The following ZBTB44 variants were observed in gnomAD, a reference collection of about 807,000 sequenced individuals.
ZBTB44 encodes zinc finger and BTB domain-containing protein 44.
A neutral mutation model predicts 54.0 loss-of-function variants in ZBTB44; 15 were observed. That is an observed-to-expected ratio of 0.28 (90% CI 0.19 to 0.43). ZBTB44 has a LOEUF of 0.43. Among genes scored for constraint, ZBTB44 ranks in the 20% least tolerant of loss-of-function variants. ZBTB44 has a pLI of 1.00. For missense variants in ZBTB44, 487 were observed against 707.1 expected, an observed-to-expected ratio of 0.69 and a Z score of 3.53; for synonymous variants, 230 against 250.1, an observed-to-expected ratio of 0.92 and a Z score of 0.76.
intron 1 of ZBTB44, among the ~76,000 whole-genome samples, chr11:130,307,973 G>A (rs148430592): frequency 2.3e-4 from 35 of 152,202 alleles, no homozygotes; most frequent in African/African-American, 7.5e-4. Context: ...TGAGCCACCC[G>A]CCTCCGCCTC....
chr11:130,243,472 T>C (rs938735846), intron 2 of ZBTB44, among the ~76,000 whole-genome samples: 1 of 152,258 alleles, frequency 6.6e-6, no homozygotes, highest in African/African-American at 2.4e-5. Flanking sequence ...GTCTGTGTTG[T>C]AACAATTTGT....
intron 1 of ZBTB44, among the ~76,000 whole-genome samples, chr11:130,290,596 C>T (rs2134356121): frequency 6.6e-6 from 1 of 152,322 alleles, no homozygotes; most frequent in Non-Finnish European, 1.5e-5. Context: ...TTATATTAAT[C>T]TTTACTGTTA....
chr11:130,243,583 T>G (rs1436809887), intron 2 of ZBTB44, among the ~76,000 whole-genome samples: 1 of 152,196 alleles, frequency 6.6e-6, no homozygotes, highest in Non-Finnish European at 1.5e-5. Flanking sequence ...CCCCTGGAGT[T>G]TGGAGGACAG....
chr11:130,269,909 C>CAT (rs1939547542), intron 1 of ZBTB44, among the ~76,000 whole-genome samples: 1 of 152,120 alleles, frequency 6.6e-6, no homozygotes, highest in Non-Finnish European at 1.5e-5. Flanking sequence ...GCTATTTATT[C>CAT]ACACTAGAAA....
At position 130,238,569 on chromosome 11, in the gene ZBTB44, G is replaced by A; in HGVS notation, c.1142C>T (p.Ala381Val). Residue 381 changes from alanine (A) to valine (V), a missense_variant, in exon 4 of 8, where the codon GCT becomes GTT. Coordinates refer to ENST00000357899, the MANE Select transcript of ZBTB44 (RefSeq NM_001301098.2). ...NVQYPYQLYIAPSTSSTERPS... is the reference protein window; with the variant it reads ...NVQYPYQLYIVPSTSSTERPS... ...TCGCTCTGTACTGCTGGTGGAAGGA[G>A]CAATGTAGAGTTGGTAGGGATACTG... The A allele has an allele frequency of 1.2e-6, 2 of 1,613,116 alleles. No individual in the cohort carries two copies. The highest frequency in any genetic ancestry group is 1.7e-6 in the Non-Finnish European group (2 of 1,179,614).
intron 1 of ZBTB44, among the ~76,000 whole-genome samples, chr11:130,275,291 G>A (rs1439035593): frequency 1.3e-5 from 2 of 152,056 alleles, no homozygotes; most frequent in Non-Finnish European, 2.9e-5. Flanking sequence ...TACCGTGAGT[G>A]TTTGTAATGT....
At chr11:130,237,953 A>C (rs533524308) in intron 4 of ZBTB44, among the ~76,000 whole-genome samples, 4 of 152,264 alleles carry the variant, frequency 2.6e-5, no homozygotes, top group Non-Finnish European at 4.4e-5. Context: ...TGTTTAAAAA[A>C]ATACAAACTA....
chr11:130,307,838 G>A (rs1292012551), intron 1 of ZBTB44, among the ~76,000 whole-genome samples: 1 of 152,100 alleles, frequency 6.6e-6, no homozygotes, highest in Non-Finnish European at 1.5e-5. Flanking sequence ...CAATTCTCCT[G>A]TCTCAGCCTC....
intron 1 of ZBTB44, chr11:130,296,873 T>A (rs763010149): frequency 2.9e-5 from 21 of 733,426 alleles, no homozygotes; most frequent in Non-Finnish European, 4.5e-5. Flanking sequence ...CTCAAGTTGC[T>A]CTGCCATTTG....
rs1057322185 is a variant in ZBTB44, at chr11:130,292,835, C to T, written c.-57+21540G>A. On this transcript the variant is annotated intron_variant, in intron 1 of 7. Transcript: ENST00000357899. ...CGTGTACTCAAACTAGTGAAAATTACAACTCACCCACCCCACCAAAAGTTA... is the reference window on the plus strand; with the variant it reads ...CGTGTACTCAAACTAGTGAAAATTATAACTCACCCACCCCACCAAAAGTTA... 8.5e-5 allele frequency among the ~76,000 whole-genome samples: 13 copies of T among 152,142 alleles called. No homozygotes were observed. The South Asian group carries it at 1.2e-3, about 15-fold the overall frequency.
At chr11:130,233,994 C>G in intron 6 of ZBTB44, 162 bp downstream of exon 6, 1 of 1,432,330 alleles carries the variant, frequency 7.0e-7, no homozygotes, top group South Asian at 1.2e-5. Flanking sequence ...CACAAAACTA[C>G]TCAATAGTTA....
intron 1 of ZBTB44, among the ~76,000 whole-genome samples, chr11:130,293,937 A>G (rs1335902294): frequency 6.6e-6 from 1 of 152,242 alleles, no homozygotes; most frequent in Non-Finnish European, 1.5e-5. Context: ...TTATCAATAA[A>G]TCAATTAAAT....
intron 1 of ZBTB44, among the ~76,000 whole-genome samples, chr11:130,312,250 T>G (rs1057208175): frequency 1.3e-5 from 2 of 152,158 alleles, no homozygotes; most frequent in African/African-American, 2.4e-5. Flanking sequence ...AACTGGGTAT[T>G]TGCTTAGTGT....
At chr11:130,293,775 A>T (rs1941457709) in intron 1 of ZBTB44, among the ~76,000 whole-genome samples, 1 of 152,064 alleles carries the variant, frequency 6.6e-6, no homozygotes, top group South Asian at 2.1e-4. Flanking sequence ...CAGCCTGGGC[A>T]ACAAAAGCGA....
At chr11:130,247,332 G>A (rs60602938) in intron 2 of ZBTB44, among the ~76,000 whole-genome samples, 61 of 152,310 alleles carry the variant, frequency 4.0e-4, no homozygotes, top group African/African-American at 1.4e-3. Context: ...CTGGATGAGA[G>A]GGCAGATATA....
chr11:130,261,928 T>C lies in ZBTB44; in HGVS notation c.-55A>G. The C allele has an allele frequency of 6.7e-7, 1 of 1,486,854 alleles. No homozygotes were observed. Among genetic ancestry groups the C allele is most frequent in the Non-Finnish European group, 8.9e-7 (1 of 1,118,438 alleles). 92.1% of individuals were successfully genotyped at this position (1,486,854 alleles called of 1,614,324 possible). A position where few individuals can be genotyped will look rare whatever the true frequency, so the allele number is the denominator to read the frequency against. On this transcript the variant is annotated splice_region_variant and 5_prime_UTR_variant, in exon 2 of 8. Coordinates refer to ENST00000357899, the MANE Select transcript of ZBTB44 (RefSeq NM_001301098.2). This position sits in a 1 kb window ranked among gnomAD's most constrained non-coding sequence, Gnocchi z 4.8. ...CAAGGATGCAAATAAATCAGAAATG[T>C]CCTAAAAAATACATAAAATAAAGCA...
intron 1 of ZBTB44, among the ~76,000 whole-genome samples, chr11:130,266,191 AT>A (rs1290529650): frequency 6.6e-6 from 1 of 152,212 alleles, no homozygotes; most frequent in East Asian, 1.9e-4. Context: ...ATTAGGCTCA[AT>A]CTATTCTGCC....
At chr11:130,269,120 T>A (rs1939486574) in intron 1 of ZBTB44, among the ~76,000 whole-genome samples, 1 of 151,678 alleles carries the variant, frequency 6.6e-6, no homozygotes, top group Non-Finnish European at 1.5e-5. Flanking sequence ...TGAAACCCCA[T>A]CTCTACTAAA....
chr11:130,262,990 G>A (rs1409160421), intron 1 of ZBTB44, among the ~76,000 whole-genome samples: 1 of 152,224 alleles, frequency 6.6e-6, no homozygotes, highest in African/African-American at 2.4e-5. Context: ...GAGCCTGGGA[G>A]GTGGAGGTTG....
Sources: gnomAD v4.1 joint callset for allele counts (sites outside exome capture counted in the v4.1 genomes callset) on GRCh38, gnomAD v4.1.1 for gene constraint, Gnocchi (gnomAD v3.1) non-coding constraint, MANE v1.5 for transcripts, NCBI Gene and HGNC (gene_info 2026-07-23, HGNC 2026-07-21) for gene names.